Variants in FBXW10B observed in about 807,000 individuals in gnomAD.
The protein encoded by FBXW10B is F-box and WD repeat domain containing protein 10B.
the FBXW10B span, among the ~76,000 whole-genome samples, chr17:15,611,465 A>G: frequency 6.6e-6 from 1 of 152,194 alleles, no homozygotes; most frequent in African/African-American, 2.4e-5. Context: ...AGGGGCCTCA[A>G]GACAATCTCT....
chr17:15,614,073 T>C, the FBXW10B span: 1 of 1,582,508 alleles, frequency 6.3e-7, no homozygotes, highest in Non-Finnish European at 8.6e-7. Context: ...TTGAGTTGGC[T>C]CTGTAGAAAC....
the FBXW10B span, chr17:15,588,552 C>G: frequency 2.3e-5 from 6 of 266,564 alleles, no homozygotes; most frequent in Non-Finnish European, 3.7e-5. Flanking sequence ...TGAAACCTAG[C>G]TGCCCTATAG....
the FBXW10B span, among the ~76,000 whole-genome samples, chr17:15,607,312 A>C: frequency 1.4e-5 from 2 of 148,120 alleles, no homozygotes; most frequent in East Asian, 4.1e-4. Context: ...TCAAAAAATA[A>C]AGATTTTATG....
the FBXW10B span, among the ~76,000 whole-genome samples, chr17:15,570,654 T>A: frequency 6.6e-6 from 1 of 152,352 alleles, no homozygotes; most frequent in East Asian, 1.9e-4. Context: ...AATGAAATTC[T>A]TTTCACAATG....
At chr17:15,569,468 T>TTA in the FBXW10B span, among the ~76,000 whole-genome samples, 2 of 134,648 alleles carry the variant, frequency 1.5e-5, no homozygotes, top group African/African-American at 2.8e-5. Flanking sequence ...TTTTTTTTTT[T>TTA]TTTTTTTTTT....
chr17:15,618,620 G>C, the FBXW10B span, among the ~76,000 whole-genome samples: 2 of 151,492 alleles, frequency 1.3e-5, no homozygotes, highest in Non-Finnish European at 2.9e-5. Context: ...CAGCTGAAGA[G>C]AAAAACAAAA....
At chr17:15,613,253 A>G in the FBXW10B span, among the ~76,000 whole-genome samples, 1 of 150,952 alleles carries the variant, frequency 6.6e-6, no homozygotes, top group East Asian at 2.0e-4. Flanking sequence ...CCTTATAAAC[A>G]TCTGTGCTCC....
the FBXW10B span, among the ~76,000 whole-genome samples, chr17:15,602,319 C>G: frequency 6.6e-6 from 1 of 151,888 alleles, no homozygotes; most frequent in Non-Finnish European, 1.5e-5. Flanking sequence ...AAGATAGCAC[C>G]TCAAATCAAT....
chr17:15,591,976 C>T, the FBXW10B span, among the ~76,000 whole-genome samples: 1 of 152,186 alleles, frequency 6.6e-6, no homozygotes, highest in Non-Finnish European at 1.5e-5. Flanking sequence ...CTCCCTGTCC[C>T]CTTCCTGTGC....
the FBXW10B span, among the ~76,000 whole-genome samples, chr17:15,615,254 A>G: frequency 6.7e-6 from 1 of 148,856 alleles, no homozygotes; most frequent in African/African-American, 2.5e-5. Flanking sequence ...CCCAGATGCT[A>G]TCACCCTGCC....
At chr17:15,594,703 G>A in the FBXW10B span, 28 of 1,605,360 alleles carry the variant, frequency 1.7e-5, no homozygotes, top group African/African-American at 2.7e-5. Flanking sequence ...TGACGGGGAA[G>A]GGAAGGACAC....
the FBXW10B span, among the ~76,000 whole-genome samples, chr17:15,575,183 T>G: frequency 6.7e-6 from 1 of 148,542 alleles, no homozygotes; most frequent in African/African-American, 2.6e-5. Context: ...AACCAAGTGT[T>G]TTGCCCTAGG....
chr17:15,586,217 G>A, the FBXW10B span, among the ~76,000 whole-genome samples: 2 of 151,688 alleles, frequency 1.3e-5, no homozygotes, highest in Non-Finnish European at 2.9e-5. Flanking sequence ...ACAAATTGAT[G>A]TGGATGGTTT....
chr17:15,591,481 G>T, the FBXW10B span, among the ~76,000 whole-genome samples: 147 of 152,150 alleles, frequency 9.7e-4, 1 homozygote, highest in African/African-American at 3.5e-3. Flanking sequence ...TAGAGACAGG[G>T]TTTCGCCATG....
At chr17:15,593,400 A>G in the FBXW10B span, 3 of 1,614,186 alleles carry the variant, frequency 1.9e-6, no homozygotes, top group East Asian at 6.7e-5. Flanking sequence ...TATCACCTTC[A>G]TACAGTTCCC....
chr17:15,607,498 G>T, the FBXW10B span: 1 of 1,347,710 alleles, frequency 7.4e-7, no homozygotes, highest in Non-Finnish European at 1.0e-6. Flanking sequence ...TGTACACAAA[G>T]GTCAGGGAAA....
the FBXW10B span, among the ~76,000 whole-genome samples, chr17:15,587,822 G>A: frequency 6.6e-6 from 1 of 152,164 alleles, no homozygotes; most frequent in Non-Finnish European, 1.5e-5. Context: ...GCACACTGGT[G>A]ACTCTTGCTT....
the FBXW10B span, among the ~76,000 whole-genome samples, chr17:15,579,608 A>C: frequency 6.6e-6 from 1 of 152,210 alleles, no homozygotes; most frequent in Non-Finnish European, 1.5e-5. Context: ...TTTATTGTGG[A>C]AGAATGACCA....
chr17:15,581,761 C>T, the FBXW10B span, among the ~76,000 whole-genome samples: 1 of 151,680 alleles, frequency 6.6e-6, no homozygotes, highest in East Asian at 2.0e-4. Context: ...TTCCAGACCA[C>T]GTGGATTCCT....
Sources: allele counts gnomAD v4.1 joint callset (sites outside exome capture counted in the v4.1 genomes callset), GRCh38; gene constraint gnomAD v4.1.1; transcripts MANE v1.5; gene names NCBI Gene and HGNC (gene_info 2026-07-23, HGNC 2026-07-21).